Variants in NIPBL observed in about 807,000 individuals in gnomAD.
NIPBL encodes NIPBL cohesin loading factor, also known as nipped-B-like protein.
NIPBL carries 19 observed loss-of-function variants against 321.8 expected under a neutral mutation model. The observed-to-expected ratio is 0.06, with a 90% CI of 0.04 to 0.09. The LOEUF is 0.09. Ranked by LOEUF, NIPBL falls within the 10% of genes least tolerant of loss-of-function variation. The probability of loss-of-function intolerance (pLI) is 1.00; values close to 1 mark genes in which losing one functional copy is unlikely to be tolerated. For synonymous variants in NIPBL, 1,106 were observed against 1,114.1 expected, an observed-to-expected ratio of 0.99 and a Z score of 0.14; for missense variants, 2,210 against 3,327.0, an observed-to-expected ratio of 0.66 and a Z score of 8.26.
chr5:36,964,517 A>G (rs1229700929), intron 6 of NIPBL, among the ~76,000 whole-genome samples: 6 of 152,150 alleles, frequency 3.9e-5, no homozygotes, highest in Admixed American at 3.9e-4. Context: ...TCAATAAATA[A>G]TGCTGTGAAA....
chr5:36,933,107 ATAG>A (rs1561045612), intron 1 of NIPBL, among the ~76,000 whole-genome samples: 2 of 152,192 alleles, frequency 1.3e-5, no homozygotes, highest in Admixed American at 1.3e-4. Context: ...TTATTCCAGT[ATAG>A]TAGTAGAAAA....
intron 1 of NIPBL, among the ~76,000 whole-genome samples, chr5:36,915,051 A>G (rs1390561358): frequency 2.0e-5 from 3 of 152,076 alleles, no homozygotes; most frequent in African/African-American, 4.8e-5. Flanking sequence ...TGTTTTCAGA[A>G]TGAAGTCTAT....
At chr5:36,958,302 T>G (rs1741209632) in intron 4 of NIPBL, 71 bp downstream of exon 4, 2 of 1,504,076 alleles carry the variant, frequency 1.3e-6, no homozygotes, top group Non-Finnish European at 1.8e-6. Flanking sequence ...GTGTCTTCTT[T>G]AACAAGCTGG....
chr5:36,914,049 A>G (rs939641927), intron 1 of NIPBL, among the ~76,000 whole-genome samples: 3 of 152,236 alleles, frequency 2.0e-5, no homozygotes, highest in South Asian at 2.1e-4. Flanking sequence ...CTGACAGTGT[A>G]TATCTGTACA....
Position 36,892,829 on chromosome 5 carries a change from C to A in NIPBL, c.-80+15651C>A, listed in dbSNP as rs1746446150. Among the ~76,000 whole-genome samples the A allele has an allele frequency of 3.3e-5, 5 of 151,948 alleles. No individual in the cohort carries two copies. In the South Asian group the frequency reaches 1.0e-3, roughly 31 times the overall value. On this transcript the variant is annotated intron_variant, in intron 1 of 46. Coordinates refer to ENST00000282516, the MANE Select transcript of NIPBL (RefSeq NM_133433.4). Reference sequence around the variant, plus strand: ...GGGAGGGATAGCATTAGGAGATATACCTAATGCTAAATGACAAGTTAATGG... The same window carrying A: ...GGGAGGGATAGCATTAGGAGATATAACTAATGCTAAATGACAAGTTAATGG...
chr5:36,915,049 G>T (rs1748352481), intron 1 of NIPBL, among the ~76,000 whole-genome samples: 1 of 151,808 alleles, frequency 6.6e-6, no homozygotes, highest in Admixed American at 6.6e-5. Flanking sequence ...AGTGTTTTCA[G>T]AATGAAGTCT....
At chr5:37,041,546 T>G (rs1274472369) in intron 34 of NIPBL, among the ~76,000 whole-genome samples, 1 of 151,878 alleles carries the variant, frequency 6.6e-6, no homozygotes, top group Non-Finnish European at 1.5e-5. Flanking sequence ...ATTACAGGCA[T>G]GAGCCACTGT....
intron 38 of NIPBL, among the ~76,000 whole-genome samples, chr5:37,047,186 A>G (rs1053882579): frequency 1.3e-5 from 2 of 152,202 alleles, no homozygotes; most frequent in African/African-American, 2.4e-5. Context: ...GGATTTTGGT[A>G]TCCCTGGGAG....
At chr5:36,907,619 A>G (rs1402152954) in intron 1 of NIPBL, among the ~76,000 whole-genome samples, 1 of 152,178 alleles carries the variant, frequency 6.6e-6, no homozygotes, top group Non-Finnish European at 1.5e-5. Flanking sequence ...AAAGACCAGA[A>G]GAAAATGTCA....
Position 36,958,114 on chromosome 5 carries a change from G to A in NIPBL, c.241G>A (p.Asp81Asn). ...TTTTCTCAATGCCAGAGAGTTGAAA[G>A]ATAACCTTGGCAGTGATGACCCAGA... ...QVSTDHIELK[D>N]NLGSDDPEGD... The change falls in exon 4 of 47, where the codon GAT becomes AAT. Residue 81 changes from aspartate to asparagine, a missense_variant. Asp to Asn is a conservative substitution (Grantham distance 23). Around this residue, in one of 14 missense-constraint regions of NIPBL, gnomAD observed 464 missense variants for 529.5 expected, o/e 0.88. Transcript: ENST00000282516. 6.2e-7 allele frequency: 1 copy of A among 1,613,918 alleles called. No homozygotes were observed. The highest frequency in any genetic ancestry group is 8.5e-7 in the Non-Finnish European group (1 of 1,179,926).
chr5:36,972,210 C>T (rs1382476863), intron 8 of NIPBL, among the ~76,000 whole-genome samples, 169 bp downstream of exon 8: 3 of 151,882 alleles, frequency 2.0e-5, no homozygotes, highest in African/African-American at 7.2e-5. Flanking sequence ...TAAATCTGTC[C>T]CTATTCATTG....
intron 22 of NIPBL, among the ~76,000 whole-genome samples, 190 bp downstream of exon 22, chr5:37,014,955 CGGGGGAAA>C (rs149124561): frequency 0.014 from 2,123 of 151,890 alleles, 55 homozygotes; most frequent in African/African-American, 0.05. Flanking sequence ...TGGGACTACA[CGGGGGAAA>C]AAAATCTAAA....
intron 16 of NIPBL, among the ~76,000 whole-genome samples, chr5:37,005,509 C>T (rs1747326470): frequency 6.6e-6 from 1 of 152,116 alleles, no homozygotes; most frequent in Non-Finnish European, 1.5e-5. Context: ...TCATGAGCCT[C>T]CTTAACTGAC....
intron 1 of NIPBL, among the ~76,000 whole-genome samples, chr5:36,924,356 G>A (rs149575372): frequency 2.4e-4 from 36 of 152,228 alleles, no homozygotes; most frequent in Non-Finnish European, 5.1e-4. Context: ...TAGCTTGTCA[G>A]CATTACAGAA....
chr5:36,985,532 A>C lies in NIPBL; in HGVS notation c.2352A>C (p.Gln784His). The C allele has an allele frequency of 6.2e-7, 1 of 1,613,788 alleles. No individual in the cohort carries two copies. Among genetic ancestry groups the C allele is most frequent in the Non-Finnish European group, 8.5e-7 (1 of 1,179,958 alleles). The change falls in exon 10 of 47, where the codon CAA (glutamine) becomes CAC (histidine). Residue 784 changes from glutamine to histidine, a missense_variant. Coordinates refer to ENST00000282516, the MANE Select transcript of NIPBL (RefSeq NM_133433.4). ...EKKPEVSKHK[Q>H]DTKSDSPRLK... ...AACCTGAAGTGTCTAAACATAAACAAGATACTAAATCTGACTCACCTCGGT... is the reference window on the plus strand; with the variant it reads ...AACCTGAAGTGTCTAAACATAAACACGATACTAAATCTGACTCACCTCGGT...
Position 37,044,340 on chromosome 5 carries a change from C to G in NIPBL, c.6109-7C>G, listed in dbSNP as rs1561205233. 6.2e-7 allele frequency: 1 copy of G among 1,611,988 alleles called. No homozygotes were observed. The highest frequency in any genetic ancestry group is 1.1e-5 in the South Asian group (1 of 91,014). On this transcript the variant is annotated splice_region_variant and splice_polypyrimidine_tract_variant and intron_variant, in intron 34 of 46. Transcript: ENST00000282516. ...ATATTCATAAAGCATTAATTTTATTCTTATAGACGCAAAATGATTTCATGG... is the reference window on the plus strand; with the variant it reads ...ATATTCATAAAGCATTAATTTTATTGTTATAGACGCAAAATGATTTCATGG...
At chr5:37,004,299 G>C (rs943868512) in intron 16 of NIPBL, among the ~76,000 whole-genome samples, 1 of 152,080 alleles carries the variant, frequency 6.6e-6, no homozygotes, top group Non-Finnish European at 1.5e-5. Flanking sequence ...AATTATATGT[G>C]CATTCAAATT....
rs780649689 is a variant in NIPBL, at chr5:36,955,618, C to G, written c.211C>G (p.Gln71Glu). 6.2e-7 allele frequency: 1 copy of G among 1,613,888 alleles called. No individual in the cohort carries two copies. The highest frequency in any genetic ancestry group is 8.5e-7 in the Non-Finnish European group (1 of 1,179,880). ...TTCACAGCTTGTCCATAGCCTCAAC[C>G]AGGTATCAACAGATCACATGTAAGT... ...LVSQLVHSLN[Q>E]VSTDHIELKD... The change falls in exon 3 of 47, where the codon CAG (glutamine) becomes GAG (glutamate). Residue 71 changes from glutamine (Q) to glutamate (E), a missense_variant. By Grantham distance (29) the Gln-to-Glu change is conservative (BLOSUM62 2). Coordinates refer to ENST00000282516, the MANE Select transcript of NIPBL (RefSeq NM_133433.4).
Position 37,002,751 on chromosome 5 carries a change from G to A in NIPBL, c.3754G>A (p.Gly1252Ser). 6.3e-7 allele frequency: 1 copy of A among 1,579,344 alleles called. No homozygotes were observed. The highest frequency in any genetic ancestry group is 8.7e-7 in the Non-Finnish European group (1 of 1,148,954). ...GSESAKIKAM[G>S]IMDKLSTDKT... ...TGAATCTGCTAAAATAAAAGCAATG[G>A]GTATAATGGATAAGGTATCTCACCA... is the stretch of plus-strand genomic sequence containing the variant. Residue 1252 changes from glycine to serine, a missense_variant, in exon 15 of 47, where the codon GGT (glycine) becomes AGT (serine). Physicochemically the swap from Gly to Ser is moderately conservative, Grantham distance 56 (BLOSUM62 0). Transcript: ENST00000282516.
Sources: gnomAD v4.1 joint callset for allele counts (sites outside exome capture counted in the v4.1 genomes callset) on GRCh38, gnomAD v4.1.1 for gene constraint, gnomAD v4.1.1 regional missense constraint, MANE v1.5 for transcripts, NCBI Gene and HGNC (gene_info 2026-07-23, HGNC 2026-07-21) for gene names.